The following BRINP3 variants were observed in gnomAD, a reference collection of about 807,000 sequenced individuals.
BRINP3 encodes BMP/retinoic acid inducible neural specific 3.
A neutral mutation model predicts 71.0 loss-of-function variants in BRINP3; 19 were observed. The ratio of observed to expected loss-of-function variants is 0.27; its 90% CI spans 0.19 to 0.39. The LOEUF (loss-of-function observed/expected upper bound fraction) is 0.39. Ranked by LOEUF, BRINP3 falls within the 10% of genes least tolerant of loss-of-function variation. The pLI, the probability that BRINP3 is intolerant of heterozygous loss-of-function variation, is 1.00. For missense variants in BRINP3, 959 were observed against 940.8 expected (o/e 1.02, Z -0.25); for synonymous variants, 380 against 337.7 (o/e 1.13, Z -1.37).
chr1:190,254,935 G>C (rs1332527993), intron 4 of BRINP3, among the ~76,000 whole-genome samples: 1 of 152,082 alleles, frequency 6.6e-6, no homozygotes, highest in Non-Finnish European at 1.5e-5. Flanking sequence ...ATTATTTTGA[G>C]ATACATTCCA....
intron 6 of BRINP3, among the ~76,000 whole-genome samples, chr1:190,207,543 T>G (rs1655616859): frequency 6.6e-6 from 1 of 152,096 alleles, no homozygotes; most frequent in South Asian, 2.1e-4. Flanking sequence ...AAAAATTAAA[T>G]GAGACTCTCA....
At chr1:190,374,450 TTAATTCGTC>T (rs1670060609) in intron 2 of BRINP3, among the ~76,000 whole-genome samples, 3 of 152,174 alleles carry the variant, frequency 2.0e-5, no homozygotes, top group African/African-American at 7.2e-5. Flanking sequence ...TTTTACCAAT[TTAATTCGTC>T]AAAAGAGAAA....
intron 2 of BRINP3, among the ~76,000 whole-genome samples, chr1:190,387,017 A>G (rs779458167): frequency 2.0e-5 from 3 of 151,950 alleles, no homozygotes; most frequent in Admixed American, 1.3e-4. Flanking sequence ...AGTGTTAATC[A>G]GTGTTATTCT....
chr1:190,288,156 C>A (rs1040391921), intron 2 of BRINP3, among the ~76,000 whole-genome samples: 4 of 151,888 alleles, frequency 2.6e-5, no homozygotes, highest in Non-Finnish European at 5.9e-5. Flanking sequence ...AGTTTAATTT[C>A]TATCACAAAT....
At chr1:190,200,842 T>G in intron 6 of BRINP3, among the ~76,000 whole-genome samples, 1 of 152,186 alleles carries the variant, frequency 6.6e-6, no homozygotes, top group East Asian at 1.9e-4. Flanking sequence ...ATGTGACTTG[T>G]TCTGCCATGA....
intron 4 of BRINP3, among the ~76,000 whole-genome samples, chr1:190,243,274 T>C (rs568958500): frequency 6.6e-6 from 1 of 152,242 alleles, no homozygotes; most frequent in African/African-American, 2.4e-5. Flanking sequence ...AAATTAAATG[T>C]GTGGCACTTG....
At chr1:190,401,074 T>A (rs1406536315) in intron 2 of BRINP3, among the ~76,000 whole-genome samples, 1 of 152,076 alleles carries the variant, frequency 6.6e-6, no homozygotes, top group East Asian at 1.9e-4. Flanking sequence ...ATGCCTGGTG[T>A]AGCACAGAGA....
chr1:190,452,280 C>T (rs772198520), intron 2 of BRINP3, among the ~76,000 whole-genome samples: 11 of 152,086 alleles, frequency 7.2e-5, no homozygotes, highest in South Asian at 2.1e-4. Context: ...TATCAATAAC[C>T]GTGGCATCAT....
chr1:190,416,219 T>C (rs1265218573), intron 2 of BRINP3, among the ~76,000 whole-genome samples: 1 of 152,182 alleles, frequency 6.6e-6, no homozygotes, highest in Non-Finnish European at 1.5e-5. Flanking sequence ...ACACCCATAT[T>C]AGGTAAATAT....
intron 6 of BRINP3, among the ~76,000 whole-genome samples, chr1:190,203,185 A>G (rs896812352): frequency 1.3e-5 from 2 of 152,002 alleles, no homozygotes; most frequent in African/African-American, 4.8e-5. Context: ...AGACACATAG[A>G]TTTTATTGTT....
At chr1:190,137,452 A>C (rs1189830750) in intron 7 of BRINP3, among the ~76,000 whole-genome samples, 1 of 151,978 alleles carries the variant, frequency 6.6e-6, no homozygotes, top group Non-Finnish European at 1.5e-5. Context: ...AAAAAAAAAA[A>C]AACCTGAAAA....
intron 4 of BRINP3, among the ~76,000 whole-genome samples, chr1:190,250,381 GA>G (rs1660024668): frequency 6.6e-6 from 1 of 152,048 alleles, no homozygotes; most frequent in South Asian, 2.1e-4. Context: ...TGTTAAGGGG[GA>G]AAATATGATG....
intron 4 of BRINP3, among the ~76,000 whole-genome samples, chr1:190,256,921 T>C (rs1056885756): frequency 1.3e-5 from 2 of 152,140 alleles, no homozygotes; most frequent in Non-Finnish European, 2.9e-5. Flanking sequence ...CCCTTATTAT[T>C]TTTCCCTTCA....
intron 2 of BRINP3, among the ~76,000 whole-genome samples, chr1:190,378,398 T>C (rs1670314193): frequency 6.6e-6 from 1 of 152,152 alleles, no homozygotes; most frequent in African/African-American, 2.4e-5. Context: ...CATCAGACCA[T>C]TGTAGGCAAT....
intron 2 of BRINP3, among the ~76,000 whole-genome samples, chr1:190,363,085 T>G (rs1023224275): frequency 6.6e-6 from 1 of 152,022 alleles, no homozygotes; most frequent in African/African-American, 2.4e-5. Context: ...TTGGGAAAAA[T>G]CTGGGCCCTG....
At chr1:190,453,369 A>C (rs1000966329) in intron 2 of BRINP3, among the ~76,000 whole-genome samples, 1 of 151,094 alleles carries the variant, frequency 6.6e-6, no homozygotes, top group Admixed American at 6.6e-5. Flanking sequence ...TACAGGCGCT[A>C]GCCACCACGC....
intron 4 of BRINP3, among the ~76,000 whole-genome samples, chr1:190,239,064 G>A (rs1184366143): frequency 6.6e-6 from 1 of 152,102 alleles, no homozygotes; most frequent in Non-Finnish European, 1.5e-5. Context: ...GAGCGAGGAA[G>A]TGCCACATTT....
intron 7 of BRINP3, among the ~76,000 whole-genome samples, chr1:190,121,841 A>G (rs532963630): frequency 5.9e-5 from 9 of 151,908 alleles, no homozygotes; most frequent in African/African-American, 2.2e-4. Flanking sequence ...AGTAAAATAG[A>G]AAAAAAGCAA....
intron 7 of BRINP3, among the ~76,000 whole-genome samples, chr1:190,143,146 AT>A (rs1224169741): frequency 6.6e-6 from 1 of 152,160 alleles, no homozygotes; most frequent in African/African-American, 2.4e-5. Context: ...GTGGAGGAAA[AT>A]AAAATGCAAG....
Sources: allele counts gnomAD v4.1 joint callset (sites outside exome capture counted in the v4.1 genomes callset), GRCh38; gene constraint gnomAD v4.1.1; transcripts MANE v1.5; gene names NCBI Gene and HGNC (gene_info 2026-07-23, HGNC 2026-07-21).